Variants in ADGRB3 observed in about 807,000 individuals in gnomAD.
ADGRB3 encodes brain-specific angiogenesis inhibitor 3.
Under a neutral mutation model 193.4 loss-of-function variants are expected in ADGRB3, and 37 were observed. That is an observed-to-expected ratio of 0.19 (90% confidence interval 0.15 to 0.25). ADGRB3 has a LOEUF of 0.25. Among genes scored for constraint, ADGRB3 ranks in the 10% least tolerant of loss-of-function variants. The pLI is 1.00. For synonymous variants in ADGRB3, 690 were observed against 644.2 expected (o/e 1.07, Z -1.08); for missense variants, 1,637 against 1,852.9 (o/e 0.88, Z 2.14).
intron 20 of ADGRB3, among the ~76,000 whole-genome samples, chr6:69,295,413 C>T (rs1767792180): frequency 6.6e-6 from 1 of 151,986 alleles, no homozygotes; most frequent in Non-Finnish European, 1.5e-5. Context: ...CCTACCATTT[C>T]CATATTAAAT....
intron 17 of ADGRB3, among the ~76,000 whole-genome samples, chr6:69,086,625 G>C (rs889073257): frequency 2.0e-5 from 3 of 152,078 alleles, no homozygotes; most frequent in African/African-American, 7.2e-5. Flanking sequence ...TGGTTTGGTT[G>C]GGTCTTTTGG....
chr6:69,044,457 T>A (rs998703379), intron 13 of ADGRB3, among the ~76,000 whole-genome samples: 1 of 152,248 alleles, frequency 6.6e-6, no homozygotes, highest in Non-Finnish European at 1.5e-5. Context: ...ATTATTATCC[T>A]GCTTTGATGT....
intron 3 of ADGRB3, among the ~76,000 whole-genome samples, chr6:68,756,563 T>C (rs1408384987): frequency 6.6e-6 from 1 of 152,142 alleles, no homozygotes; most frequent in Non-Finnish European, 1.5e-5. Flanking sequence ...TTTCCTGTAG[T>C]GCAGGTGCTC....
chr6:69,117,052 A>G (rs1773553322), intron 17 of ADGRB3, among the ~76,000 whole-genome samples: 1 of 152,222 alleles, frequency 6.6e-6, no homozygotes, highest in Admixed American at 6.5e-5. Flanking sequence ...TACAAAAGTA[A>G]TATATATAAC....
At chr6:68,892,019 AC>A (rs1449832416) in intron 3 of ADGRB3, among the ~76,000 whole-genome samples, 1 of 152,192 alleles carries the variant, frequency 6.6e-6, no homozygotes, top group Non-Finnish European at 1.5e-5. Flanking sequence ...TCCAGCAATC[AC>A]ATGTGACTAT....
At chr6:68,998,939 C>A (rs565412304) in intron 11 of ADGRB3, among the ~76,000 whole-genome samples, 2 of 152,138 alleles carry the variant, frequency 1.3e-5, no homozygotes, top group Non-Finnish European at 2.9e-5. Context: ...TTTATCCTGG[C>A]TTAGACAATA....
At chr6:69,288,293 C>T (rs1004332567) in intron 20 of ADGRB3, among the ~76,000 whole-genome samples, 13 of 152,214 alleles carry the variant, frequency 8.5e-5, no homozygotes, top group East Asian at 1.9e-4. Flanking sequence ...TGAGAACATG[C>T]GGTGTTTGGT....
chr6:69,125,462 C>A (rs1358586398), intron 17 of ADGRB3, among the ~76,000 whole-genome samples: 1 of 152,062 alleles, frequency 6.6e-6, no homozygotes, highest in Non-Finnish European at 1.5e-5. Flanking sequence ...GTGATTAGTG[C>A]CTTTATAAAA....
At chr6:68,646,722 T>C (rs1352732641) in intron 3 of ADGRB3, among the ~76,000 whole-genome samples, 1 of 152,162 alleles carries the variant, frequency 6.6e-6, no homozygotes, top group Non-Finnish European at 1.5e-5. Context: ...AAGAAGTGAC[T>C]TGAGTAACTA....
At chr6:68,911,157 T>C (rs1348893229) in intron 3 of ADGRB3, among the ~76,000 whole-genome samples, 2 of 150,786 alleles carry the variant, frequency 1.3e-5, no homozygotes, top group Non-Finnish European at 2.9e-5. Flanking sequence ...CTCAGCAAAC[T>C]ATAGCAAGGA....
chr6:68,917,576 A>T (rs190341400), intron 3 of ADGRB3, among the ~76,000 whole-genome samples: 3 of 152,198 alleles, frequency 2.0e-5, no homozygotes, highest in Admixed American at 2.0e-4. Flanking sequence ...GGGTACTAAT[A>T]ACTCAATATT....
intron 26 of ADGRB3, 33 bp downstream of exon 26, chr6:69,339,537 T>C: frequency 6.3e-7 from 1 of 1,587,292 alleles, no homozygotes; most frequent in Non-Finnish European, 8.6e-7. Flanking sequence ...AGAACAGTGA[T>C]GGTTGGAATG....
intron 17 of ADGRB3, among the ~76,000 whole-genome samples, chr6:69,158,093 G>A (rs558228630): frequency 6.6e-6 from 1 of 152,018 alleles, no homozygotes; most frequent in African/African-American, 2.4e-5. Flanking sequence ...TTAATCTTAC[G>A]ATACACATAA....
At chr6:69,348,385 G>A (rs1383741198) in intron 26 of ADGRB3, among the ~76,000 whole-genome samples, 2 of 151,134 alleles carry the variant, frequency 1.3e-5, no homozygotes, top group African/African-American at 2.4e-5. Flanking sequence ...AGTGGCTCAC[G>A]CCTGCAATCC....
At chr6:69,135,806 CAA>C in intron 17 of ADGRB3, among the ~76,000 whole-genome samples, 1 of 151,818 alleles carries the variant, frequency 6.6e-6, no homozygotes, top group East Asian at 1.9e-4. Context: ...ATCAGGAGAA[CAA>C]GAAAAAAATG....
chr6:68,733,206 T>C (rs894207552), intron 3 of ADGRB3, among the ~76,000 whole-genome samples: 11 of 149,480 alleles, frequency 7.4e-5, no homozygotes, highest in African/African-American at 2.7e-4. Flanking sequence ...ATATCAGTGG[T>C]GGATTGGATA....
chr6:69,111,011 T>C (rs1475046846), intron 17 of ADGRB3, among the ~76,000 whole-genome samples: 1 of 152,178 alleles, frequency 6.6e-6, no homozygotes, highest in Non-Finnish European at 1.5e-5. Flanking sequence ...GATGATTTCG[T>C]TTTTAATGAA....
At chr6:68,913,702 T>A (rs1381022564) in intron 3 of ADGRB3, among the ~76,000 whole-genome samples, 1 of 152,170 alleles carries the variant, frequency 6.6e-6, no homozygotes, top group Non-Finnish European at 1.5e-5. Flanking sequence ...AAAATGACTT[T>A]GACGAGTTGA....
intron 29 of ADGRB3, among the ~76,000 whole-genome samples, chr6:69,365,215 G>C (rs1160409082): frequency 6.6e-6 from 1 of 152,016 alleles, no homozygotes; most frequent in African/African-American, 2.4e-5. Flanking sequence ...CTTTTGGCTG[G>C]GTTCTACCAA....
Sources: allele counts gnomAD v4.1 joint callset (sites outside exome capture counted in the v4.1 genomes callset), GRCh38; gene constraint gnomAD v4.1.1; transcripts MANE v1.5; gene names NCBI Gene and HGNC (gene_info 2026-07-23, HGNC 2026-07-21).